MMRN1: variants seen among roughly 807,000 people sequenced by gnomAD.
The protein encoded by MMRN1 is multimerin-1.
A neutral mutation model predicts 100.7 loss-of-function variants in MMRN1; 94 were observed. The ratio of observed to expected loss-of-function variants is 0.93; its 90% CI spans 0.79 to 1.11. MMRN1 has a LOEUF of 1.11. MMRN1 is among the 50% of genes least tolerant of loss of function. MMRN1 has a pLI of 0.00. For synonymous variants in MMRN1, 575 were observed against 505.0 expected, an observed-to-expected ratio of 1.14 and a Z score of -1.86; for missense variants, 1,606 against 1,439.1, an observed-to-expected ratio of 1.12 and a Z score of -1.88.
At chr4:89,927,352 T>A (rs1356479355) in intron 4 of MMRN1, among the ~76,000 whole-genome samples, 1 of 152,154 alleles carries the variant, frequency 6.6e-6, no homozygotes, top group Non-Finnish European at 1.5e-5. Context: ...AATTGAATCC[T>A]TATGTATTTA....
intron 3 of MMRN1, 36 bp downstream of exon 3, chr4:89,912,086 A>G: frequency 4.4e-6 from 6 of 1,374,772 alleles, no homozygotes; most frequent in Non-Finnish European, 6.0e-6. Flanking sequence ...ATTCTGAACA[A>G]TAAGAAACTG....
At chr4:89,894,663 T>G (rs1323841630), upstream of MMRN1, 4 of 223,692 alleles carry the variant, frequency 1.8e-5, no homozygotes, top group Non-Finnish European at 3.5e-5. Context: ...AGAAAGTTAC[T>G]TCATATTTTT....
At chr4:89,902,160 A>T (rs940971480) in intron 1 of MMRN1, 8 of 125,142 alleles carry the variant, frequency 6.4e-5, no homozygotes, top group Admixed American at 2.9e-4. Context: ...GGAATATCAC[A>T]CTCTGGGGAC....
Position 89,927,817 on chromosome 4 carries a change from T to C in MMRN1, c.978T>C (p.Asp326=). The change falls in exon 5 of 8, where the codon GAT becomes GAC. Residue 326 remains aspartate (D), a synonymous_variant. Transcript: ENST00000264790. ...GDPEVMQKMT[D]QVNYQAMKLT... Reference sequence around the variant, plus strand: ...CAGAAGTGATGCAAAAAATGACTGATCAGGTGAACTACCAGGCAATGAAAC... The same window carrying C: ...CAGAAGTGATGCAAAAAATGACTGACCAGGTGAACTACCAGGCAATGAAAC... The C allele has an allele frequency of 1.9e-6, 3 of 1,610,830 alleles. No individual in the cohort carries two copies. The highest frequency in any genetic ancestry group is 2.5e-6 in the Non-Finnish European group (3 of 1,178,846).
chr4:89,942,590 C>T (rs1011584910), intron 6 of MMRN1, among the ~76,000 whole-genome samples: 1 of 151,972 alleles, frequency 6.6e-6, no homozygotes, highest in Non-Finnish European at 1.5e-5. Flanking sequence ...ATGGGCTCTC[C>T]AAAGAAATAA....
At position 89,953,809 on chromosome 4, in the gene MMRN1, T is replaced by A. The variant is rs144415646; in HGVS notation, c.*391T>A. The stretch of plus-strand genomic sequence containing the variant: ...TTGTTATTCCCTGTATATAAATATA[T>A]AACACACATTTTCTAGATTCACAAA... On this transcript the variant is annotated 3_prime_UTR_variant, in exon 8 of 8. Transcript: ENST00000264790. The A allele has an allele frequency of 2.4e-3, 375 of 154,528 alleles. 1 individual carries two copies. The highest frequency in any genetic ancestry group is 4.5e-3 in the Non-Finnish European group (310 of 69,612). 9.6% of individuals were successfully genotyped at this position (154,528 alleles called of 1,614,324 possible).
intron 2 of MMRN1, among the ~76,000 whole-genome samples, chr4:89,909,632 A>G (rs10433955): frequency 0.13 from 20,231 of 151,410 alleles, 1,884 homozygotes; most frequent in East Asian, 0.3. Flanking sequence ...TGTGCCTTAT[A>G]AGCATTCAAT....
At chr4:89,887,914 C>G (rs1720972423) in intron 1 of MMRN1, among the ~76,000 whole-genome samples, 1 of 151,832 alleles carries the variant, frequency 6.6e-6, no homozygotes, top group Non-Finnish European at 1.5e-5. Flanking sequence ...TATAATTTCA[C>G]ACTACATATG....
Position 89,928,037 on chromosome 4 carries a change from T to G in MMRN1, c.1129+69T>G. ...AGCAAATGATTCATTTTTCTTTTCT[T>G]ACATCACTTTGGGATCTTTGCTTTA... On this transcript the variant is annotated intron_variant, in intron 5 of 7. Coordinates refer to ENST00000264790, the MANE Select transcript of MMRN1 (RefSeq NM_007351.3). 3 of 1,287,424 alleles carry G rather than the reference T, an allele frequency of 2.3e-6. 1 individual carries two copies. Among genetic ancestry groups the G allele is most frequent in the Non-Finnish European group, 3.2e-6 (3 of 949,372 alleles). 79.8% of individuals were successfully genotyped at this position (1,287,424 alleles called of 1,614,324 possible).
At chr4:89,951,524 T>A in intron 6 of MMRN1, 81 bp from the exon 7 acceptor site, 1 of 1,375,330 alleles carries the variant, frequency 7.3e-7, no homozygotes, top group Non-Finnish European at 9.5e-7. Context: ...TTTTTCCTAT[T>A]CTGCTGCAAA....
At chr4:89,938,480 T>TATATATATATATATATATATATTTAAA (rs1213164735) in intron 6 of MMRN1, among the ~76,000 whole-genome samples, 2 of 24,564 alleles carry the variant, frequency 8.1e-5, no homozygotes, top group Non-Finnish European at 1.4e-4. Context: ...TTTAAACATA[T>TATATATATATATATATATATATTTAAA]ATATATATAT....
Position 89,953,942 on chromosome 4 carries a change from A to C in MMRN1, c.*524A>C, listed in dbSNP as rs2110662569. Reference sequence around the variant, plus strand: ...TACTAAGATTTTCATTCAGAATCAAAATTAAGAAAGTTGGACTGAAAATAT... The same window carrying C: ...TACTAAGATTTTCATTCAGAATCAACATTAAGAAAGTTGGACTGAAAATAT... On this transcript the variant is annotated 3_prime_UTR_variant, in exon 8 of 8. Transcript: ENST00000264790. 1 of 152,306 alleles carries C rather than the reference A, an allele frequency of 6.6e-6. No individual in the cohort carries two copies. Among genetic ancestry groups the C allele is most frequent in the South Asian group, 2.1e-4 (1 of 4,826 alleles). 9.4% of individuals were successfully genotyped at this position (152,306 alleles called of 1,614,324 possible).
chr4:89,923,817 C>G (rs187655726), intron 4 of MMRN1, among the ~76,000 whole-genome samples: 3 of 152,164 alleles, frequency 2.0e-5, no homozygotes, highest in African/African-American at 7.2e-5. Flanking sequence ...TTAGCTTTTA[C>G]AAACATAAGG....
chr4:89,909,326 A>G lies in MMRN1; in HGVS notation c.674A>G (p.Asp225Gly), dbSNP rs373754512. ...HTRLSPTVIL[D>G]NQVTYVPGGK... is the part of the protein sequence containing the mutation. ...AGGTTATCTCCCACAGTGATATTGG[A>G]CAACCAGGTCACTTATGTCCCAGGT... Residue 225 changes from aspartate (D) to glycine (G), a missense_variant, in exon 2 of 8, where the codon GAC becomes GGC. Physicochemically the swap from Asp to Gly is moderately conservative, Grantham distance 94 (BLOSUM62 -1). Coordinates refer to ENST00000264790, the MANE Select transcript of MMRN1 (RefSeq NM_007351.3). 78 of 1,609,924 alleles carry G rather than the reference A, an allele frequency of 4.8e-5. No individual in the cohort carries two copies. Among genetic ancestry groups the G allele is most frequent in the Middle Eastern group, 1.7e-4 (1 of 6,030 alleles).
chr4:89,902,308 CT>C (rs1721418243), intron 1 of MMRN1, among the ~76,000 whole-genome samples: 1 of 149,184 alleles, frequency 6.7e-6, no homozygotes, highest in African/African-American at 2.5e-5. Context: ...CACATGTACC[CT>C]AAAACTTAAA....
chr4:89,932,936 G>A (rs1722487670), intron 5 of MMRN1, among the ~76,000 whole-genome samples: 1 of 151,992 alleles, frequency 6.6e-6, no homozygotes, highest in Non-Finnish European at 1.5e-5. Context: ...CAGAAAATGA[G>A]GTTTTTTTTC....
At chr4:89,937,524 T>C (rs1722684837) in intron 6 of MMRN1, among the ~76,000 whole-genome samples, 1 of 152,016 alleles carries the variant, frequency 6.6e-6, no homozygotes, top group Admixed American at 6.6e-5. Context: ...AGAAAAATGA[T>C]TTGAGGAACA....
chr4:89,939,263 G>A (rs1294887022), intron 6 of MMRN1, among the ~76,000 whole-genome samples: 7 of 152,030 alleles, frequency 4.6e-5, no homozygotes, highest in Admixed American at 4.6e-4. Context: ...AAAGCCAGAA[G>A]ATAATTTATC....
At chr4:89,920,421 C>T (rs1490585255) in intron 3 of MMRN1, among the ~76,000 whole-genome samples, 1 of 152,050 alleles carries the variant, frequency 6.6e-6, no homozygotes, top group African/African-American at 2.4e-5. Flanking sequence ...TCATATGTTT[C>T]CATGCTTAAC....
Sources: gnomAD v4.1 joint callset for allele counts (sites outside exome capture counted in the v4.1 genomes callset) on GRCh38, gnomAD v4.1.1 for gene constraint, MANE v1.5 for transcripts, NCBI Gene and HGNC (gene_info 2026-07-23, HGNC 2026-07-21) for gene names.